The following SH3D21 variants were observed in gnomAD, a reference collection of about 807,000 sequenced individuals.
The protein encoded by SH3D21 is manchette microtubule inner protein 1.
Under a neutral mutation model 82.1 loss-of-function variants are expected in SH3D21, and 83 were observed. The observed-to-expected ratio is 1.01, with a 90% CI of 0.85 to 1.21. The LOEUF (loss-of-function observed/expected upper bound fraction) is 1.21, where lower values mean the gene tolerates loss of function less well. SH3D21 is among the 50% of genes most tolerant of loss of function. The probability of loss-of-function intolerance (pLI) is 0.00; values close to 1 mark genes in which losing one functional copy is unlikely to be tolerated. For missense variants in SH3D21, 980 were observed against 962.1 expected, an observed-to-expected ratio of 1.02 and a Z score of -0.25; for synonymous variants, 383 against 387.8, an observed-to-expected ratio of 0.99 and a Z score of 0.15.
Position 36,307,332 on chromosome 1 carries a change from C to T in SH3D21, c.345+47C>T, listed in dbSNP as rs1230921746. The T allele has an allele frequency of 3.9e-6, 6 of 1,544,932 alleles. No homozygotes were observed. In the East Asian group the frequency reaches 9.8e-5, roughly 25 times the overall value. ...CCGTTTGGGGGAGGATGATGGAACG[C>T]GCCTCCCTAGTGAGCGGGGTGGGAA... On this transcript the variant is annotated intron_variant, in intron 4 of 15. Coordinates refer to ENST00000453908, the MANE Select transcript of SH3D21 (RefSeq NM_001162530.2). The surrounding 1 kb of genome is among the most constrained non-coding windows in gnomAD (Gnocchi z 5.4).
chr1:36,319,173 C>T lies in SH3D21; in HGVS notation c.863+9C>T. ...GGGCCCAGCAAAGCCAAGTAAGGAG[C>T]AGGATGGGGTTGGGGGAAGGAGGAG... On this transcript the variant is annotated intron_variant, in intron 11 of 15. Coordinates refer to ENST00000453908, the MANE Select transcript of SH3D21 (RefSeq NM_001162530.2). 6.4e-7 allele frequency: 1 copy of T among 1,550,692 alleles called. No individual in the cohort carries two copies.
chr1:36,318,119 T>G (rs1646374786), intron 10 of SH3D21, among the ~76,000 whole-genome samples: 1 of 152,154 alleles, frequency 6.6e-6, no homozygotes, highest in Non-Finnish European at 1.5e-5. Context: ...TCAGGAAATA[T>G]TTGGACAGTA....
At chr1:36,323,297 G>C (rs1486599165), downstream of SH3D21, among the ~76,000 whole-genome samples, 1 of 152,090 alleles carries the variant, frequency 6.6e-6, no homozygotes, top group Admixed American at 6.5e-5. Flanking sequence ...CCGCCCCCTG[G>C]TGAGGTCCCC....
intron 9 of SH3D21, 135 bp downstream of exon 9, chr1:36,308,610 G>A (rs1257343599): frequency 1.5e-6 from 1 of 662,776 alleles, no homozygotes; most frequent in Non-Finnish European, 2.6e-6. Context: ...GGCTCCTTTT[G>A]GATTCTAATA....
chr1:36,325,584 A>T (rs955080721), downstream of SH3D21, among the ~76,000 whole-genome samples: 1 of 151,890 alleles, frequency 6.6e-6, no homozygotes, highest in African/African-American at 2.4e-5. Flanking sequence ...TCGCTCTGTC[A>T]CCCAGGCTGG....
In SH3D21 at chr1:36,316,534, C is replaced by T. The variant is rs115446140; in HGVS notation, c.770-2537C>T. ...ACAGGCGTGAGCCACCGCGCCTGGC[C>T]GAGAATTTGCTTTTACTTCTCCCAG... On this transcript the variant is annotated intron_variant, in intron 10 of 15. Coordinates refer to ENST00000453908, the MANE Select transcript of SH3D21 (RefSeq NM_001162530.2). Among the ~76,000 whole-genome samples the T allele has an allele frequency of 9.8e-3, 1,490 of 152,076 alleles. 17 individuals carry two copies. Among genetic ancestry groups the T allele is most frequent in the African/African-American group, 0.034 (1,427 of 41,508 alleles).
In SH3D21 at chr1:36,306,583, G is replaced by C. The variant is rs1377328262; in HGVS notation, c.5-15G>C. 7.7e-7 allele frequency: 1 copy of C among 1,302,538 alleles called. No homozygotes were observed. The highest frequency in any genetic ancestry group is 1.5e-5 in the African/African-American group (1 of 65,746). 80.7% of individuals were successfully genotyped at this position (1,302,538 alleles called of 1,614,324 possible). On this transcript the variant is annotated splice_polypyrimidine_tract_variant and intron_variant, in intron 1 of 15. Transcript: ENST00000453908. The surrounding 1 kb of genome is among the most constrained non-coding windows in gnomAD (Gnocchi z 4.5). ...CCTTTCTGAGCCGCACGCCGGCCCC[G>C]TCTTCCGCCCGCAGAAGTCCTCGTC...
chr1:36,310,865 C>G (rs973191864), intron 10 of SH3D21, among the ~76,000 whole-genome samples: 1 of 151,976 alleles, frequency 6.6e-6, no homozygotes, highest in Non-Finnish European at 1.5e-5. Flanking sequence ...AAAATGGTAG[C>G]ATGTTTATAG....
At position 36,319,829 on chromosome 1, in the gene SH3D21, C is replaced by A; in HGVS notation, c.1166C>A (p.Thr389Asn). Residue 389 changes from threonine (T) to asparagine (N), a missense_variant, in exon 14 of 16, where the codon ACC becomes AAC. Thr to Asn is a moderately conservative substitution (Grantham distance 65). Transcript: ENST00000453908. The stretch of plus-strand genomic sequence containing the variant: ...GACAAAGTCCCCTCCCCAGAGAAGA[C>A]CCTCACTCTAGGGGACAAGGCCTCT... ...APDKVPSPEK[T>N]LTLGDKASIP... The A allele has an allele frequency of 6.2e-7, 1 of 1,613,832 alleles. No homozygotes were observed. Among genetic ancestry groups the A allele is most frequent in the Non-Finnish European group, 8.5e-7 (1 of 1,179,904 alleles).
intron 10 of SH3D21, among the ~76,000 whole-genome samples, chr1:36,310,272 A>G (rs1302561164): frequency 6.6e-6 from 1 of 152,188 alleles, no homozygotes; most frequent in Non-Finnish European, 1.5e-5. Flanking sequence ...CTTTTAATGT[A>G]ATATTTGATA....
chr1:36,310,845 G>C (rs1445887099), intron 10 of SH3D21, among the ~76,000 whole-genome samples: 2 of 151,984 alleles, frequency 1.3e-5, no homozygotes, highest in Admixed American at 6.6e-5. Flanking sequence ...TTTTGTTTTT[G>C]AGCTTCATAA....
chr1:36,319,358 A>G (rs1288492782), intron 12 of SH3D21, 46 bp downstream of exon 12: 2 of 1,550,940 alleles, frequency 1.3e-6, no homozygotes, highest in East Asian at 4.9e-5. Flanking sequence ...GAGGACAGGG[A>G]TGGGGTGGCT....
chr1:36,313,354 T>TAAATAAATAAAG (rs1158274670), intron 10 of SH3D21, among the ~76,000 whole-genome samples: 2 of 151,560 alleles, frequency 1.3e-5, no homozygotes, highest in Admixed American at 1.3e-4. Context: ...AATAAATAAA[T>TAAATAAATAAAG]AAGATGGGAA....
Position 36,307,131 on chromosome 1 carries a change from T to C in SH3D21, c.227-36T>C, listed in dbSNP as rs1383702142. 6.5e-7 allele frequency: 1 copy of C among 1,549,880 alleles called. No homozygotes were observed. Among genetic ancestry groups the C allele is most frequent in the African/African-American group, 1.4e-5 (1 of 73,014 alleles). On this transcript the variant is annotated intron_variant, in intron 3 of 15. Coordinates refer to ENST00000453908, the MANE Select transcript of SH3D21 (RefSeq NM_001162530.2). The surrounding 1 kb of genome is among the most constrained non-coding windows in gnomAD (Gnocchi z 5.4). ...TCCCCCAGCTCCTCTGACTGGGGCG[T>C]CCGACTGGAGCTCAGCCGCGCTTGT...
downstream of SH3D21, chr1:36,323,622 G>A (rs536789062): frequency 3.9e-5 from 6 of 152,152 alleles, no homozygotes; most frequent in Non-Finnish European, 8.8e-5. Context: ...ACCAGCCGGC[G>A]GAAAGTTTCC....
chr1:36,327,424 T>G (rs561346194), downstream of SH3D21, among the ~76,000 whole-genome samples: 16 of 152,238 alleles, frequency 1.1e-4, no homozygotes, highest in Non-Finnish European at 2.4e-4. Context: ...AGTGCCTCAG[T>G]TCATGTGGCA....
rs144425061 is a variant in SH3D21 at position 36,320,676 on chromosome 1, G to C, written c.2013G>C (p.Ala671=). ...CTCCAGACTCCCAAGAGACGCTCGC[G>C]CTCCCCTCGCTGGTCCCGCAAAACT... is the stretch of plus-strand genomic sequence containing the variant. The part of the protein sequence containing the change: ...KPPPDSQETL[A]LPSLVPQNYT... The change falls in exon 14 of 16, where the codon GCG becomes GCC. Residue 671 remains alanine (A), a synonymous_variant. Transcript: ENST00000453908. The C allele has an allele frequency of 5.4e-3, 8,685 of 1,614,238 alleles. 33 individuals are homozygous for C. Among genetic ancestry groups the C allele is most frequent in the Non-Finnish European group, 6.1e-3 (7,153 of 1,180,038 alleles).
chr1:36,311,232 ATTGTTTGT>A lies in SH3D21; in HGVS notation c.769+1654_769+1661del, dbSNP rs560435018. Among the ~76,000 whole-genome samples the A allele has an allele frequency of 1.2e-4, 17 of 139,660 alleles. No homozygotes were observed. The South Asian group carries it at 3.6e-3, about 30-fold the overall frequency. The allele number at this position is 139,660 out of a possible 152,430, so 91.6% of individuals were successfully genotyped here. On this transcript the variant is annotated intron_variant, in intron 10 of 15. Coordinates refer to ENST00000453908, the MANE Select transcript of SH3D21 (RefSeq NM_001162530.2). ...CTGAGATTTGCTGTTTTTTGTTGTT[ATTGTTTGT>A]TTGTTTGTTTGATTGTTTTTAGACG...
chr1:36,315,541 G>A (rs548040861), intron 10 of SH3D21, among the ~76,000 whole-genome samples: 1 of 152,094 alleles, frequency 6.6e-6, no homozygotes, highest in South Asian at 2.1e-4. Context: ...TAGAGAGGGG[G>A]TTTCACCATG....
Sources: gnomAD v4.1 joint callset for allele counts (sites outside exome capture counted in the v4.1 genomes callset) on GRCh38, gnomAD v4.1.1 for gene constraint, Gnocchi (gnomAD v3.1) non-coding constraint, MANE v1.5 for transcripts, NCBI Gene and HGNC (gene_info 2026-07-23, HGNC 2026-07-21) for gene names.